NAV3: variants seen among roughly 807,000 people sequenced by gnomAD.
NAV3 encodes neuron navigator 3.
A neutral mutation model predicts 244.7 loss-of-function variants in NAV3; 87 were observed. That is an observed-to-expected ratio of 0.36 (90% CI 0.30 to 0.42). NAV3 has a LOEUF of 0.42. NAV3 is among the 20% of genes least tolerant of loss of function. NAV3 has a pLI of 1.00. For synonymous variants in NAV3, 1,126 were observed against 1,042.2 expected, an observed-to-expected ratio of 1.08 and a Z score of -1.55; for missense variants, 2,663 against 2,893.3, an observed-to-expected ratio of 0.92 and a Z score of 1.83.
intron 2 of NAV3, among the ~76,000 whole-genome samples, chr12:77,779,696 G>A (rs1479014348): frequency 6.6e-6 from 1 of 152,164 alleles, no homozygotes; most frequent in Non-Finnish European, 1.5e-5. Flanking sequence ...GGGCCAGCTT[G>A]GTTGTAATTC....
Position 78,175,427 on chromosome 12 carries a change from G to T in NAV3, c.5103G>T (p.Trp1701Cys), listed in dbSNP as rs2139651917. The part of the protein sequence containing the change: ...ADSKKKKKKN[W>C]VNSRGSELRS... ...CCAAGAAGAAGAAAAAGAAAAACTG[G>T]GTAAGTTACCATCCTTCATCTAATT... The change falls in exon 25 of 40, where the codon TGG (tryptophan) becomes TGT (cysteine). Residue 1701 changes from tryptophan to cysteine, a missense_variant and splice_region_variant. This residue lies in a region of NAV3 where 193 missense variants were observed against 200.7 expected (regional missense o/e 0.96). Coordinates refer to ENST00000397909, the MANE Select transcript of NAV3 (RefSeq NM_001024383.2). 1 of 1,608,460 alleles carries T rather than the reference G, an allele frequency of 6.2e-7. No individual in the cohort carries two copies. The highest frequency in any genetic ancestry group is 8.5e-7 in the Non-Finnish European group (1 of 1,177,402).
At chr12:77,892,221 T>A (rs535461335) in intron 1 of NAV3, among the ~76,000 whole-genome samples, 1 of 152,266 alleles carries the variant, frequency 6.6e-6, no homozygotes, top group South Asian at 2.1e-4. Flanking sequence ...TATTGTGCAA[T>A]AAAGATGTTG....
intron 12 of NAV3, among the ~76,000 whole-genome samples, chr12:78,112,261 T>G (rs1955133646): frequency 6.6e-6 from 1 of 152,216 alleles, no homozygotes; most frequent in Admixed American, 6.5e-5. Flanking sequence ...TGTGACCTCT[T>G]GCCTATAAAT....
chr12:77,977,178 C>A (rs1480458409), intron 5 of NAV3, among the ~76,000 whole-genome samples: 1 of 151,972 alleles, frequency 6.6e-6, no homozygotes, highest in African/African-American at 2.4e-5. Context: ...ACTGACTTAC[C>A]GCTTTTGCAC....
chr12:77,742,554 A>G (rs562641335), intron 2 of NAV3, among the ~76,000 whole-genome samples: 1 of 152,228 alleles, frequency 6.6e-6, no homozygotes, highest in East Asian at 1.9e-4. Flanking sequence ...TATAAAATAT[A>G]TGTAGATACT....
At chr12:77,974,277 G>GTTGTT (rs772029106) in intron 5 of NAV3, among the ~76,000 whole-genome samples, 59 of 151,472 alleles carry the variant, frequency 3.9e-4, no homozygotes, top group African/African-American at 1.1e-3. Context: ...CAGTATTTTT[G>GTTGTT]TTGTTTTGTT....
intron 8 of NAV3, among the ~76,000 whole-genome samples, chr12:78,011,522 G>A (rs1361517274): frequency 1.3e-5 from 2 of 152,034 alleles, no homozygotes; most frequent in East Asian, 1.9e-4. Flanking sequence ...TAAGATAAGG[G>A]TAAGGCATAA....
At chr12:78,158,420 A>G (rs934949458) in intron 22 of NAV3, among the ~76,000 whole-genome samples, 3 of 152,158 alleles carry the variant, frequency 2.0e-5, no homozygotes, top group Non-Finnish European at 4.4e-5. Context: ...AAACTGGCCT[A>G]TTTTTGAGCT....
intron 1 of NAV3, among the ~76,000 whole-genome samples, chr12:77,861,514 A>G (rs142083368): frequency 7.9e-5 from 12 of 152,020 alleles, no homozygotes; most frequent in African/African-American, 1.9e-4. Flanking sequence ...GTAGACTGTC[A>G]TGTTGTATTG....
intron 2 of NAV3, among the ~76,000 whole-genome samples, chr12:77,678,272 A>G (rs1874294967): frequency 6.6e-6 from 1 of 152,202 alleles, no homozygotes; most frequent in South Asian, 2.1e-4. Context: ...AAAGGATTGG[A>G]GCAGAATATT....
intron 12 of NAV3, among the ~76,000 whole-genome samples, chr12:78,093,174 C>T (rs1279911153): frequency 6.6e-6 from 1 of 152,148 alleles, no homozygotes; most frequent in East Asian, 1.9e-4. Context: ...GTTTCTGTGA[C>T]AAAATTTGTG....
In NAV3 at chr12:77,998,430, C is replaced by T. The variant is rs1335582985; in HGVS notation, c.834C>T (p.Ser278=). The change falls in exon 7 of 40, where the codon AGC becomes AGT. Residue 278 remains serine (S), a synonymous_variant. Transcript: ENST00000397909. ...NLNRRSQSFN[S]IDKNKPPNYA... ...ATAGGAGAAGTCAGAGCTTTAACAG[C>T]ATTGACAAAAACAAGCCTCCAAATT... 2.5e-6 allele frequency: 4 copies of T among 1,611,780 alleles called. No homozygotes were observed. In the South Asian group the frequency reaches 3.3e-5, roughly 13 times the overall value.
At chr12:77,860,732 A>G (rs1879137887) in intron 1 of NAV3, among the ~76,000 whole-genome samples, 1 of 151,902 alleles carries the variant, frequency 6.6e-6, no homozygotes, top group Non-Finnish European at 1.5e-5. Context: ...AAAATTTTAA[A>G]TAGAGCTCTG....
chr12:77,920,388 C>A (rs1408940523), intron 1 of NAV3, among the ~76,000 whole-genome samples: 2 of 151,684 alleles, frequency 1.3e-5, no homozygotes, highest in African/African-American at 4.8e-5. Context: ...TCAACAGTGG[C>A]TTAAAATTGG....
intron 2 of NAV3, among the ~76,000 whole-genome samples, chr12:77,737,221 A>T (rs1040903487): frequency 4.7e-5 from 7 of 149,248 alleles, no homozygotes; most frequent in Non-Finnish European, 1.0e-4. Flanking sequence ...TTGGATCAAG[A>T]GAAGGATCTA....
chr12:78,173,743 TA>T (rs58966039), intron 24 of NAV3, among the ~76,000 whole-genome samples: 16,978 of 143,176 alleles, frequency 0.12, 1,224 homozygotes, highest in Admixed American at 0.24. Context: ...CTAGGGATTA[TA>T]AAAAAAAAAA....
At chr12:77,739,738 A>C (rs765908124) in intron 2 of NAV3, among the ~76,000 whole-genome samples, 2 of 152,142 alleles carry the variant, frequency 1.3e-5, no homozygotes, top group African/African-American at 4.8e-5. Flanking sequence ...AACCTCAACT[A>C]TTCTACTCAA....
intron 11 of NAV3, among the ~76,000 whole-genome samples, chr12:78,056,970 A>G (rs1883606219): frequency 6.6e-6 from 1 of 152,194 alleles, no homozygotes; most frequent in Non-Finnish European, 1.5e-5. Flanking sequence ...TCAGAAAGTT[A>G]GTTAATCAGC....
chr12:77,795,026 C>T (rs942402936), intron 2 of NAV3, among the ~76,000 whole-genome samples: 4 of 152,100 alleles, frequency 2.6e-5, no homozygotes, highest in Admixed American at 2.0e-4. Context: ...TCACATGCCT[C>T]TCACTTGAAA....
Sources: allele counts gnomAD v4.1 joint callset (sites outside exome capture counted in the v4.1 genomes callset), GRCh38; gene constraint gnomAD v4.1.1; regional missense constraint gnomAD v4.1.1; transcripts MANE v1.5; gene names NCBI Gene and HGNC (gene_info 2026-07-23, HGNC 2026-07-21).